RBFOX1: variants seen among roughly 807,000 people sequenced by gnomAD.
The protein encoded by RBFOX1 is RNA binding protein fox-1 homolog 1.
A neutral mutation model predicts 57.7 loss-of-function variants in RBFOX1; 8 were observed. The observed-to-expected ratio is 0.14, with a 90% CI of 0.08 to 0.25. The LOEUF is 0.25. RBFOX1 is among the 10% of genes least tolerant of loss of function. The pLI is 1.00. For missense variants in RBFOX1, 611 were observed against 548.5 expected (o/e 1.11, Z -1.14); for synonymous variants, 326 against 222.4 (o/e 1.47, Z -4.15).
intron 4 of RBFOX1, among the ~76,000 whole-genome samples, chr16:7,283,628 G>C (rs1452769287): frequency 6.6e-6 from 1 of 152,054 alleles, no homozygotes. Flanking sequence ...GTCCTCAGAA[G>C]CTGTATCCTT....
At chr16:6,383,318 G>T (rs1048032396) in intron 2 of RBFOX1, among the ~76,000 whole-genome samples, 1 of 152,208 alleles carries the variant, frequency 6.6e-6, no homozygotes, top group Non-Finnish European at 1.5e-5. Flanking sequence ...CTCTTTGTCA[G>T]AAAACCTATG....
rs1417065407 is a variant in RBFOX1, at chr16:6,829,411, TA to T, written c.-16+174765del. Among the ~76,000 whole-genome samples, 4 of 150,668 alleles carry T rather than the reference TA, an allele frequency of 2.7e-5. No homozygotes were observed. In the Admixed American group the frequency reaches 2.7e-4, roughly 10 times the overall value. ...CACACATAGATATATAGAACGATTG[TA>T]AAAGGCTATTTGTAGATTTCTTGGG... On this transcript the variant is annotated intron_variant, in intron 3 of 15. Transcript: ENST00000550418.
At chr16:6,685,576 C>T (rs976435099) in intron 3 of RBFOX1, among the ~76,000 whole-genome samples, 11 of 152,018 alleles carry the variant, frequency 7.2e-5, no homozygotes, top group South Asian at 2.1e-4. Flanking sequence ...GCATGAGCCA[C>T]TGTGTCTGGC....
At chr16:5,255,354 C>CCATCCATCCATCCCTCCCTCCA (rs1555468931) in intron 1 of RBFOX1, among the ~76,000 whole-genome samples, 1 of 86,256 alleles carries the variant, frequency 1.2e-5, no homozygotes. Context: ...CCATCCATCC[C>CCATCCATCCATCCCTCCCTCCA]TCCATCCATC....
intron 4 of RBFOX1, among the ~76,000 whole-genome samples, chr16:7,504,739 A>ATAAATATATATATATATT (rs2072368027): frequency 1.3e-4 from 1 of 7,974 alleles, no homozygotes; most frequent in South Asian, 3.9e-3. Flanking sequence ...ATATATATAT[A>ATAAATATATATATATATT]TATATATATA....
intron 3 of RBFOX1, among the ~76,000 whole-genome samples, chr16:6,875,948 C>T (rs1268896941): frequency 6.6e-6 from 1 of 151,988 alleles, no homozygotes; most frequent in East Asian, 1.9e-4. Context: ...CAGTGAGCTG[C>T]AATTATGTCA....
chr16:7,154,325 A>G (rs1601232123), intron 4 of RBFOX1, among the ~76,000 whole-genome samples: 1 of 152,334 alleles, frequency 6.6e-6, no homozygotes, highest in South Asian at 2.1e-4. Context: ...AGGAAAGGGA[A>G]TCACTCATCC....
intron 5 of RBFOX1, among the ~76,000 whole-genome samples, chr16:7,563,193 A>C (rs1483427062): frequency 6.6e-6 from 1 of 152,198 alleles, no homozygotes; most frequent in Non-Finnish European, 1.5e-5. Flanking sequence ...GGATTTATTA[A>C]ATGGCAATGA....
intron 3 of RBFOX1, among the ~76,000 whole-genome samples, chr16:6,857,420 TG>T (rs148381730): frequency 0.084 from 12,746 of 152,196 alleles, 578 homozygotes; most frequent in South Asian, 0.11. Context: ...TCAAATCCCA[TG>T]TACGCCAGCT....
chr16:6,217,174 C>CTTT (rs71142697), intron 1 of RBFOX1, among the ~76,000 whole-genome samples: 61,992 of 119,174 alleles, frequency 0.52, 16,328 homozygotes, highest in South Asian at 0.74. Context: ...TTAGGGGATT[C>CTTT]TTTTTTTTTT....
chr16:6,826,530 G>A (rs2092160858), intron 3 of RBFOX1, among the ~76,000 whole-genome samples: 2 of 152,250 alleles, frequency 1.3e-5, no homozygotes, highest in African/African-American at 4.8e-5. Context: ...GGCAGTGTGG[G>A]CACAGTCTTC....
At chr16:6,641,240 C>G (rs1174750402) in intron 2 of RBFOX1, among the ~76,000 whole-genome samples, 1 of 152,154 alleles carries the variant, frequency 6.6e-6, no homozygotes. Flanking sequence ...TTCAGGGCTT[C>G]CCCAGCCCTC....
chr16:6,227,970 C>T (rs959129372), intron 1 of RBFOX1, among the ~76,000 whole-genome samples: 6 of 152,118 alleles, frequency 3.9e-5, no homozygotes, highest in Admixed American at 6.5e-5. Context: ...ATCAATATAT[C>T]GGAGAGATGT....
At chr16:6,076,413 C>T (rs954470174) in intron 1 of RBFOX1, among the ~76,000 whole-genome samples, 1 of 152,060 alleles carries the variant, frequency 6.6e-6, no homozygotes, top group Non-Finnish European at 1.5e-5. Flanking sequence ...TTCGGTAGGT[C>T]AGTAGGTTAG....
chr16:5,728,313 T>G (rs2052231282), intron 3 of RBFOX1, among the ~76,000 whole-genome samples: 2 of 152,230 alleles, frequency 1.3e-5, no homozygotes, highest in African/African-American at 2.4e-5. Context: ...TTCAATAACA[T>G]GGATGAATGC....
intron 1 of RBFOX1, among the ~76,000 whole-genome samples, chr16:6,109,633 A>G (rs1445218103): frequency 6.6e-6 from 1 of 152,194 alleles, no homozygotes; most frequent in Admixed American, 6.5e-5. Context: ...TAAGTTATAA[A>G]TCCTAGATAT....
chr16:6,754,343 C>G (rs2075437964), intron 3 of RBFOX1, among the ~76,000 whole-genome samples: 1 of 152,270 alleles, frequency 6.6e-6, no homozygotes, highest in South Asian at 2.1e-4. Flanking sequence ...ATAATTATCT[C>G]TCTGAAAAAT....
At chr16:7,561,242 C>T (rs1466029734) in intron 5 of RBFOX1, among the ~76,000 whole-genome samples, 3 of 152,196 alleles carry the variant, frequency 2.0e-5, no homozygotes, top group Admixed American at 1.3e-4. Flanking sequence ...CAGCCACATT[C>T]ATGGTTCATT....
At chr16:7,003,784 A>G (rs1476944587) in intron 3 of RBFOX1, among the ~76,000 whole-genome samples, 1 of 152,164 alleles carries the variant, frequency 6.6e-6, no homozygotes, top group Non-Finnish European at 1.5e-5. Context: ...TATTAATAGA[A>G]CTTTTTGGGA....
Sources: gnomAD v4.1 joint callset for allele counts (sites outside exome capture counted in the v4.1 genomes callset) on GRCh38, gnomAD v4.1.1 for gene constraint, MANE v1.5 for transcripts, NCBI Gene and HGNC (gene_info 2026-07-23, HGNC 2026-07-21) for gene names.